NEXMIF: variants seen among roughly 807,000 people sequenced by gnomAD.
The protein encoded by NEXMIF is neurite extension and migration factor.
A neutral mutation model predicts 62.1 loss-of-function variants in NEXMIF; 8 were observed. The observed-to-expected ratio is 0.13, with a 90% CI of 0.08 to 0.23. NEXMIF has a LOEUF of 0.23. NEXMIF is among the 10% of genes least tolerant of loss of function. NEXMIF has a pLI of 1.00. For missense variants in NEXMIF, 976 were observed against 1,113.3 expected, an observed-to-expected ratio of 0.88 and a Z score of 1.75; for synonymous variants, 404 against 416.6, an observed-to-expected ratio of 0.97 and a Z score of 0.37.
intron 1 of NEXMIF, among the ~76,000 whole-genome samples, chrX:74,850,685 C>T (rs898562473): frequency 5.4e-5 from 6 of 111,224 alleles, no homozygotes; most frequent in Non-Finnish European, 7.5e-5. Context: ...AGGTGCCCTA[C>T]CCAGCCAACA....
chrX:74,925,448 G>A lies in NEXMIF; in HGVS notation c.-613C>T, dbSNP rs983627214. The A allele has an allele frequency of 1.1e-5, 2 of 182,103 alleles. No homozygotes were observed. The highest frequency in any genetic ancestry group is 2.2e-5 in the Non-Finnish European group (2 of 92,906). 15.0% of individuals were successfully genotyped at this position (182,103 alleles called of 1,213,427 possible). On this transcript the variant is annotated 5_prime_UTR_variant, in exon 1 of 4. Transcript: ENST00000055682. ...GCTGCTGCTGCTGCTGATGCTACTG[G>A]TTTTCCTTCCCAGGTTCTTCCCCTG...
chrX:74,758,686 T>C (rs751302274), intron 1 of NEXMIF, among the ~76,000 whole-genome samples: 2 of 111,623 alleles, frequency 1.8e-5, no homozygotes, highest in Non-Finnish European at 3.8e-5. Context: ...CTGCACTAGA[T>C]TGCTAAGAAT....
intron 1 of NEXMIF, among the ~76,000 whole-genome samples, chrX:74,902,377 T>C (rs1363778455): frequency 9.1e-6 from 1 of 109,778 alleles, no homozygotes; most frequent in African/African-American, 3.3e-5. Flanking sequence ...TATATGTATA[T>C]ATATTACAGT....
chrX:74,780,282 C>A (rs1202131444), intron 1 of NEXMIF, among the ~76,000 whole-genome samples: 1 of 111,029 alleles, frequency 9.0e-6, no homozygotes, highest in Non-Finnish European at 1.9e-5. Context: ...ACTCTATATA[C>A]CACATGATCT....
At chrX:74,748,273 G>A in intron 1 of NEXMIF, among the ~76,000 whole-genome samples, 1 of 112,048 alleles carries the variant, frequency 8.9e-6, no homozygotes, top group Middle Eastern at 4.6e-3. Context: ...TTGGGCCTTT[G>A]TTCTCCAGAA....
At chrX:74,803,368 G>A (rs997121221) in intron 1 of NEXMIF, among the ~76,000 whole-genome samples, 1 of 110,933 alleles carries the variant, frequency 9.0e-6, no homozygotes, top group Non-Finnish European at 1.9e-5. Context: ...GGCTAACACG[G>A]TGAAACCCTG....
chrX:74,791,325 G>A (rs1314315788), intron 1 of NEXMIF, among the ~76,000 whole-genome samples: 1 of 111,700 alleles, frequency 9.0e-6, no homozygotes, highest in Non-Finnish European at 1.9e-5. Context: ...CAGGGATGAA[G>A]CCCACTTGAT....
chrX:74,829,637 C>G (rs1206892976), intron 1 of NEXMIF, among the ~76,000 whole-genome samples: 1 of 111,761 alleles, frequency 8.9e-6, no homozygotes, highest in Non-Finnish European at 1.9e-5. Context: ...AAACTGTTCT[C>G]CACAGTGCTT....
At position 74,733,573 on chromosome X, in the gene NEXMIF, T is replaced by G. The variant is rs1439875903; in HGVS notation, c.*5832A>C. ...TAATACATATGATTCTAAAGCAGTA[T>G]TTTAAACTTTTCTTTTTATTTATTT... On this transcript the variant is annotated 3_prime_UTR_variant, in exon 4 of 4. Transcript: ENST00000055682. The G allele has an allele frequency of 1.8e-5, 2 of 112,346 alleles. No individual in the cohort carries two copies. The highest frequency in any genetic ancestry group is 1.9e-5 in the Non-Finnish European group (1 of 53,238). The allele number at this position is 112,346 out of a possible 1,213,427, so 9.3% of individuals were successfully genotyped here.
At chrX:74,895,531 G>A in intron 1 of NEXMIF, among the ~76,000 whole-genome samples, 1 of 111,620 alleles carries the variant, frequency 9.0e-6, no homozygotes, top group Non-Finnish European at 1.9e-5. Context: ...CAAAACTGGA[G>A]GAATCACATT....
chrX:74,872,588 G>C (rs1200388909), intron 1 of NEXMIF, among the ~76,000 whole-genome samples: 7 of 108,589 alleles, frequency 6.4e-5, no homozygotes, highest in African/African-American at 2.3e-4. Flanking sequence ...TAAATATTGT[G>C]ACTGTAGTAA....
chrX:74,923,124 T>C (rs2080832615), intron 1 of NEXMIF, among the ~76,000 whole-genome samples: 1 of 112,058 alleles, frequency 8.9e-6, no homozygotes, highest in Non-Finnish European at 1.9e-5. Flanking sequence ...AGTTCCTCTA[T>C]TGTAAATACG....
intron 2 of NEXMIF, 25 bp downstream of exon 2, chrX:74,745,547 A>T: frequency 9.6e-7 from 1 of 1,045,424 alleles, no homozygotes; most frequent in Non-Finnish European, 1.3e-6. Context: ...AGAGATATTA[A>T]TATACTATAA....
intron 1 of NEXMIF, among the ~76,000 whole-genome samples, chrX:74,775,614 A>T (rs1337054351): frequency 8.9e-6 from 1 of 111,816 alleles, no homozygotes; most frequent in Non-Finnish European, 1.9e-5. Context: ...ATTTCCAGCC[A>T]ATGGGTATGA....
chrX:74,735,758 G>A lies in NEXMIF; in HGVS notation c.*3647C>T, dbSNP rs1171692981. On this transcript the variant is annotated 3_prime_UTR_variant, in exon 4 of 4. Transcript: ENST00000055682. ...TAAGGCCTTGACACATAGTTGCAGAGTAACAAGAAGTCAGAAGGGAAAGCT... is the reference window on the plus strand; with the variant it reads ...TAAGGCCTTGACACATAGTTGCAGAATAACAAGAAGTCAGAAGGGAAAGCT... The A allele has an allele frequency of 8.9e-6, 1 of 111,903 alleles. No individual in the cohort carries two copies. Among genetic ancestry groups the A allele is most frequent in the Admixed American group, 9.6e-5 (1 of 10,411 alleles). 9.2% of individuals were successfully genotyped at this position (111,903 alleles called of 1,213,427 possible).
intron 1 of NEXMIF, among the ~76,000 whole-genome samples, chrX:74,789,724 A>C (rs1263766017): frequency 1.8e-5 from 2 of 110,301 alleles, no homozygotes; most frequent in Non-Finnish European, 3.8e-5. Flanking sequence ...TCTGATGGCC[A>C]GTGATGATGA....
At chrX:74,905,824 CAAAACAA>C (rs2080766285) in intron 1 of NEXMIF, among the ~76,000 whole-genome samples, 2 of 109,213 alleles carry the variant, frequency 1.8e-5, no homozygotes, top group Admixed American at 2.0e-4. Context: ...AAAAACAAAA[CAAAACAA>C]AAAACAAAAA....
chrX:74,836,473 A>T (rs2080456921), intron 1 of NEXMIF, among the ~76,000 whole-genome samples: 1 of 111,828 alleles, frequency 8.9e-6, no homozygotes, highest in Admixed American at 9.5e-5. Context: ...CTGGTTATTC[A>T]GGTCCCAAGA....
intron 1 of NEXMIF, among the ~76,000 whole-genome samples, chrX:74,780,050 G>A (rs1417066987): frequency 3.6e-5 from 4 of 111,987 alleles, no homozygotes; most frequent in Admixed American, 9.5e-5. Flanking sequence ...TACTTCCTCC[G>A]CCAAAGCCAG....
Sources: gnomAD v4.1 joint callset for allele counts (sites outside exome capture counted in the v4.1 genomes callset) on GRCh38, gnomAD v4.1.1 for gene constraint, MANE v1.5 for transcripts, NCBI Gene and HGNC (gene_info 2026-07-23, HGNC 2026-07-21) for gene names.